CAMK1D: variants seen among roughly 807,000 people sequenced by gnomAD.
The protein encoded by CAMK1D is calcium/calmodulin-dependent protein kinase type 1D.
Under a neutral mutation model 47.7 loss-of-function variants are expected in CAMK1D, and 9 were observed. The ratio of observed to expected loss-of-function variants is 0.19; its 90% confidence interval spans 0.11 to 0.33. CAMK1D has a LOEUF of 0.33. Ranked by LOEUF, CAMK1D falls within the 10% of genes least tolerant of loss-of-function variation. The probability of loss-of-function intolerance (pLI) is 1.00; values close to 1 mark genes in which losing one functional copy is unlikely to be tolerated. For synonymous variants in CAMK1D, 184 were observed against 184.9 expected (o/e 0.99, Z 0.04); for missense variants, 291 against 488.7 (o/e 0.60, Z 3.81).
rs578078675 is a variant in CAMK1D, at chr10:12,518,901, C to A, written c.93-34324C>A. Among the ~76,000 whole-genome samples the A allele has an allele frequency of 5.2e-4, 67 of 129,642 alleles. 2 individuals are homozygous for A. Among genetic ancestry groups the A allele is most frequent in the South Asian group, 4.6e-3 (16 of 3,454 alleles). 85.1% of individuals were successfully genotyped at this position (129,642 alleles called of 152,430 possible). The stretch of plus-strand genomic sequence containing the variant: ...CATATCTACTTCTTTCTACACAGAC[C>A]CGGCAACCATCCGATTTCTCAATTT... On this transcript the variant is annotated intron_variant, in intron 1 of 10. Coordinates refer to ENST00000619168, the MANE Select transcript of CAMK1D (RefSeq NM_153498.4).
At chr10:12,779,101 C>T (rs1190917852) in intron 5 of CAMK1D, among the ~76,000 whole-genome samples, 2 of 152,080 alleles carry the variant, frequency 1.3e-5, no homozygotes, top group African/African-American at 4.8e-5. Context: ...TGGAATTGTA[C>T]TTGGTGATCA....
intron 1 of CAMK1D, among the ~76,000 whole-genome samples, chr10:12,534,389 C>T (rs2002226): frequency 0.62 from 93,570 of 151,556 alleles, 28,912 homozygotes; most frequent in South Asian, 0.74. Context: ...TTCTTTTAGA[C>T]GGAGTCTTGC....
chr10:12,515,885 A>G (rs1835195548), intron 1 of CAMK1D, among the ~76,000 whole-genome samples: 1 of 152,182 alleles, frequency 6.6e-6, no homozygotes, highest in Non-Finnish European at 1.5e-5. Flanking sequence ...CGTTGGGATT[A>G]CAGGCGTGAG....
At chr10:12,575,541 C>T (rs1447916958) in intron 2 of CAMK1D, among the ~76,000 whole-genome samples, 3 of 152,222 alleles carry the variant, frequency 2.0e-5, no homozygotes, top group African/African-American at 7.2e-5. Context: ...CTTCATGTCT[C>T]TCTAAAGCAG....
rs995103789 is a variant in CAMK1D at position 12,671,652 on chromosome 10, C to CAT, written c.299+4851_299+4852dup. 1.1e-4 allele frequency among the ~76,000 whole-genome samples: 17 copies of CAT among 151,550 alleles called. 1 individual carries two copies. The highest frequency in any genetic ancestry group is 3.9e-4 in the African/African-American group (16 of 41,380). The stretch of plus-strand genomic sequence containing the variant: ...ATATATATACACGTATACACACACA[C>CAT]ATATATATATTAAAATCCTTTATCC... On this transcript the variant is annotated intron_variant, in intron 3 of 10. Transcript: ENST00000619168.
chr10:12,555,320 C>T (rs975566352), intron 2 of CAMK1D, among the ~76,000 whole-genome samples: 5 of 152,218 alleles, frequency 3.3e-5, no homozygotes, highest in Non-Finnish European at 5.9e-5. Context: ...CCTCTTCTGA[C>T]CTTTGTGTAA....
chr10:12,583,777 T>A (rs2132344128), intron 2 of CAMK1D, among the ~76,000 whole-genome samples: 1 of 152,100 alleles, frequency 6.6e-6, no homozygotes, highest in Admixed American at 6.5e-5. Context: ...AATTTTGTAT[T>A]TTTAGTAGAG....
intron 2 of CAMK1D, among the ~76,000 whole-genome samples, chr10:12,580,660 C>A (rs942305713): frequency 1.3e-5 from 2 of 152,180 alleles, no homozygotes; most frequent in African/African-American, 4.8e-5. Flanking sequence ...TCATGGAGAA[C>A]CACATCCTGT....
intron 1 of CAMK1D, among the ~76,000 whole-genome samples, chr10:12,550,731 G>A (rs1836550357): frequency 6.6e-6 from 1 of 152,144 alleles, no homozygotes; most frequent in Non-Finnish European, 1.5e-5. Flanking sequence ...TTGTGGATTT[G>A]GGCAGAAGAT....
intron 1 of CAMK1D, among the ~76,000 whole-genome samples, chr10:12,494,143 G>A (rs1408635532): frequency 6.6e-6 from 1 of 152,192 alleles, no homozygotes. Flanking sequence ...AACATTGGGT[G>A]TCTCACGTCT....
At position 12,506,646 on chromosome 10, in the gene CAMK1D, G is replaced by A. The variant is rs7893428; in HGVS notation, c.93-46579G>A. ...CCATTCTCCTGCCTCAGCCTCACGA[G>A]TAGCTGGGACTACAGGCGTCCGCCA... On this transcript the variant is annotated intron_variant, in intron 1 of 10. Transcript: ENST00000619168. 7.6e-3 allele frequency among the ~76,000 whole-genome samples: 1,155 copies of A among 152,134 alleles called. 10 individuals carry two copies. The highest frequency in any genetic ancestry group is 0.025 in the African/African-American group (1,049 of 41,546).
At chr10:12,827,904 C>G (rs573566645) in intron 10 of CAMK1D, among the ~76,000 whole-genome samples, 9 of 152,184 alleles carry the variant, frequency 5.9e-5, no homozygotes, top group African/African-American at 2.2e-4. Context: ...GTCTGGAACT[C>G]CTGAGACTCA....
chr10:12,574,497 T>TTTTTA lies in CAMK1D; in HGVS notation c.224+21141_224+21142insTTTTA, dbSNP rs368308201. Among the ~76,000 whole-genome samples, 1,127 of 128,756 alleles carry TTTTTA rather than the reference T, an allele frequency of 8.8e-3. 72 individuals are homozygous for TTTTTA. Among genetic ancestry groups the TTTTTA allele is most frequent in the African/African-American group, 0.033 (1,063 of 32,502 alleles). 84.5% of individuals were successfully genotyped at this position (128,756 alleles called of 152,430 possible). ...TTTTTTTTTTTTTTTTTTTTTTTTT[T>TTTTTA]AGTAGAGACGGGGCTTCGCCATGTT... On this transcript the variant is annotated intron_variant, in intron 2 of 10. Transcript: ENST00000619168.
At position 12,457,513 on chromosome 10, in the gene CAMK1D, C is replaced by T. The variant is rs150095142; in HGVS notation, c.93-95712C>T. Among the ~76,000 whole-genome samples the T allele has an allele frequency of 3.5e-4, 53 of 152,092 alleles. 2 individuals carry two copies. In the East Asian group the frequency reaches 9.8e-3, roughly 28 times the overall value. On this transcript the variant is annotated intron_variant, in intron 1 of 10. Transcript: ENST00000619168. ...TGTATAAGAAAGCTGGGCGGCCGGG[C>T]GCAGTGGCTCACACCTATAATCCCA...
At chr10:12,727,194 A>G (rs1834684288) in intron 3 of CAMK1D, among the ~76,000 whole-genome samples, 1 of 152,234 alleles carries the variant, frequency 6.6e-6, no homozygotes, top group Admixed American at 6.5e-5. Context: ...CCTCGTTTTG[A>G]TGATGCTAGG....
intron 6 of CAMK1D, among the ~76,000 whole-genome samples, chr10:12,795,060 G>A (rs1008845456): frequency 1.3e-5 from 2 of 152,158 alleles, no homozygotes; most frequent in Non-Finnish European, 2.9e-5. Context: ...TGATAAGTTT[G>A]AGGCTGGGGG....
chr10:12,637,896 G>C (rs546031581), intron 2 of CAMK1D, among the ~76,000 whole-genome samples: 1 of 152,254 alleles, frequency 6.6e-6, no homozygotes, highest in South Asian at 2.1e-4. Context: ...GCACAAGCTG[G>C]CTTCTCATCT....
intron 3 of CAMK1D, among the ~76,000 whole-genome samples, chr10:12,679,554 T>G (rs1840922141): frequency 6.6e-6 from 1 of 152,228 alleles, no homozygotes; most frequent in African/African-American, 2.4e-5. Flanking sequence ...GTTTGAGATG[T>G]GCTTGAGTTG....
intron 1 of CAMK1D, among the ~76,000 whole-genome samples, chr10:12,396,590 G>T (rs142172281): frequency 6.6e-6 from 1 of 152,214 alleles, no homozygotes; most frequent in Non-Finnish European, 1.5e-5. Context: ...TCTCTTTTCT[G>T]TTGCTTTGCT....
Sources: allele counts gnomAD v4.1 joint callset (sites outside exome capture counted in the v4.1 genomes callset), GRCh38; gene constraint gnomAD v4.1.1; transcripts MANE v1.5; gene names NCBI Gene and HGNC (gene_info 2026-07-23, HGNC 2026-07-21).